Variants in SYNPO2 observed in about 807,000 individuals in gnomAD.
SYNPO2 encodes synaptopodin-2.
Under a neutral mutation model 85.0 loss-of-function variants are expected in SYNPO2, and 56 were observed. The ratio of observed to expected loss-of-function variants is 0.66; its 90% confidence interval spans 0.53 to 0.82. The LOEUF is 0.82. SYNPO2 is among the 40% of genes least tolerant of loss of function. The probability of loss-of-function intolerance (pLI) is 0.00; values close to 1 mark genes in which losing one functional copy is unlikely to be tolerated. For missense variants in SYNPO2, 1,575 were observed against 1,534.2 expected, an observed-to-expected ratio of 1.03 and a Z score of -0.44; for synonymous variants, 602 against 591.1, an observed-to-expected ratio of 1.02 and a Z score of -0.27.
intron 1 of SYNPO2, among the ~76,000 whole-genome samples, chr4:118,954,603 T>C: frequency 6.6e-6 from 1 of 152,224 alleles, no homozygotes; most frequent in Non-Finnish European, 1.5e-5. Flanking sequence ...AAAATACTTA[T>C]TTGTATTCTT....
intron 1 of SYNPO2, among the ~76,000 whole-genome samples, chr4:118,927,851 G>GA (rs1733790379): frequency 6.6e-6 from 1 of 151,894 alleles, no homozygotes. Context: ...ATCAACTTTG[G>GA]AAAAATGCAT....
At chr4:118,880,755 A>T (rs897555101) in intron 1 of SYNPO2, among the ~76,000 whole-genome samples, 11 of 152,116 alleles carry the variant, frequency 7.2e-5, no homozygotes, top group African/African-American at 2.7e-4. Flanking sequence ...CCAAAAAAAA[A>T]AAAAAAAAAT....
rs183978604 is a variant in SYNPO2 at position 118,864,147 on chromosome 4, T to C, written c.12+13207T>C. ...GCTGTATTCCATAGATTTTGGAATG[T>C]TGTACTTCCATTATTATTTGTTTCA... On this transcript the variant is annotated intron_variant, in intron 1 of 4. Transcript: ENST00000610556. Among the ~76,000 whole-genome samples the C allele has an allele frequency of 3.4e-4, 52 of 152,302 alleles. 1 individual carries two copies. The East Asian group carries it at 8.7e-3, about 25-fold the overall frequency.
At position 119,027,434 on chromosome 4, in the gene SYNPO2, T is replaced by C; in HGVS notation, c.1065T>C (p.His355=). The change falls in exon 3 of 5, where the codon CAT becomes CAC. Residue 355 remains histidine (H), a synonymous_variant. Transcript: ENST00000307142. ...GACCTCACAAGCACCGAGCGCGGCA[T>C]GCACGTAAGTTCTGCCTGGGCTTTC... ...HSRPHKHRAR[H]ARLRRSESLS... is the part of the protein sequence containing the mutation. The C allele has an allele frequency of 1.9e-6, 3 of 1,587,164 alleles. No homozygotes were observed. Among genetic ancestry groups the C allele is most frequent in the East Asian group, 2.3e-5 (1 of 44,268 alleles).
chr4:119,024,770 C>A (rs995284089), intron 2 of SYNPO2, among the ~76,000 whole-genome samples: 1 of 152,134 alleles, frequency 6.6e-6, no homozygotes, highest in Non-Finnish European at 1.5e-5. Context: ...CAATTATTAT[C>A]ATCACCACCA....
At chr4:118,870,327 C>T (rs1408904917) in intron 1 of SYNPO2, among the ~76,000 whole-genome samples, 1 of 152,192 alleles carries the variant, frequency 6.6e-6, no homozygotes, top group Admixed American at 6.5e-5. Flanking sequence ...CAGAGAGGAC[C>T]ATTTGAGACA....
At chr4:118,883,058 G>C (rs1578517445) in intron 1 of SYNPO2, among the ~76,000 whole-genome samples, 1 of 150,258 alleles carries the variant, frequency 6.7e-6, no homozygotes, top group Non-Finnish European at 1.5e-5. Flanking sequence ...ACCGCGCCCC[G>C]CCTGTTTTTT....
intron 1 of SYNPO2, among the ~76,000 whole-genome samples, chr4:118,869,744 CA>C (rs761637249): frequency 1.3e-5 from 2 of 152,152 alleles, no homozygotes; most frequent in Non-Finnish European, 2.9e-5. Flanking sequence ...GCTGATTTGT[CA>C]GCAAATATTT....
At chr4:118,899,436 C>G (rs1183715676) in intron 1 of SYNPO2, among the ~76,000 whole-genome samples, 1 of 151,956 alleles carries the variant, frequency 6.6e-6, no homozygotes, top group African/African-American at 2.4e-5. Context: ...GATTGACAGA[C>G]TTTTTCAGAT....
At chr4:118,961,276 G>A (rs1451266606) in intron 1 of SYNPO2, among the ~76,000 whole-genome samples, 1 of 152,084 alleles carries the variant, frequency 6.6e-6, no homozygotes, top group Non-Finnish European at 1.5e-5. Flanking sequence ...TAGTGCCGAG[G>A]ATGAGAAACC....
intron 4 of SYNPO2, among the ~76,000 whole-genome samples, chr4:119,051,229 G>C (rs1171728620): frequency 9.2e-6 from 1 of 108,698 alleles, no homozygotes. Flanking sequence ...TCGCTCTGTC[G>C]CCCAGGCTGG....
Position 119,030,845 on chromosome 4 carries a change from A to G in SYNPO2, c.2070A>G (p.Arg690=). 6.2e-7 allele frequency: 1 copy of G among 1,614,128 alleles called. No homozygotes were observed. The highest frequency in any genetic ancestry group is 8.5e-7 in the Non-Finnish European group (1 of 1,180,012). ...RTGILQEAKR[R]STTKPMFTFK... is the part of the protein sequence containing the mutation. ...GAATATTGCAGGAGGCCAAAAGGAGAAGCACGACAAAACCCATGTTTACTT... is the reference window on the plus strand; with the variant it reads ...GAATATTGCAGGAGGCCAAAAGGAGGAGCACGACAAAACCCATGTTTACTT... Residue 690 remains arginine, a synonymous_variant, in exon 4 of 5, where the codon AGA becomes AGG. Transcript: ENST00000307142.
At chr4:118,937,219 G>C (rs529556676) in intron 1 of SYNPO2, among the ~76,000 whole-genome samples, 1 of 152,296 alleles carries the variant, frequency 6.6e-6, no homozygotes, top group East Asian at 1.9e-4. Context: ...ACATGTCCAA[G>C]TACATCTCCC....
chr4:118,942,716 G>A (rs1734357296), intron 1 of SYNPO2, among the ~76,000 whole-genome samples: 1 of 152,148 alleles, frequency 6.6e-6, no homozygotes, highest in African/African-American at 2.4e-5. Context: ...CATTGTGGTT[G>A]TCACAACTGG....
intron 1 of SYNPO2, among the ~76,000 whole-genome samples, chr4:118,967,860 C>CA (rs34878457): frequency 0.11 from 16,450 of 145,092 alleles, 1,058 homozygotes; most frequent in Non-Finnish European, 0.15. Flanking sequence ...ATCTTTATAC[C>CA]AAAAAAAAAA....
chr4:118,986,300 A>G (rs761796277), intron 1 of SYNPO2, among the ~76,000 whole-genome samples: 4 of 152,222 alleles, frequency 2.6e-5, no homozygotes, highest in Non-Finnish European at 5.9e-5. Flanking sequence ...GGAAACTGTA[A>G]CCATGAATGT....
At chr4:118,882,469 T>A (rs1195442942) in intron 1 of SYNPO2, among the ~76,000 whole-genome samples, 1 of 152,226 alleles carries the variant, frequency 6.6e-6, no homozygotes, top group Non-Finnish European at 1.5e-5. Context: ...AAAACTATAG[T>A]CAATAGACAT....
chr4:119,030,736 C>T lies in SYNPO2; in HGVS notation c.1961C>T (p.Pro654Leu), dbSNP rs1023862013. The T allele has an allele frequency of 5.0e-6, 8 of 1,614,054 alleles. No individual in the cohort carries two copies. The highest frequency in any genetic ancestry group is 1.3e-5 in the African/African-American group (1 of 74,908). The change falls in exon 4 of 5, where the codon CCG becomes CTG. Residue 654 changes from proline to leucine, a missense_variant. This residue lies in a region of SYNPO2 where 1,508 missense variants were observed against 1,446.8 expected (regional missense o/e 1.04). Coordinates refer to ENST00000307142, the MANE Select transcript of SYNPO2 (RefSeq NM_133477.3). ...CCCCCTCCATGGCCCCAGCCTGCCC[C>T]GTGGTCCCAGCCAGCCTTTTACGAT... ...AQPPPWPQPA[P>L]WSQPAFYDSS... is the part of the protein sequence containing the mutation.
At chr4:118,866,839 G>A (rs555580790) in intron 1 of SYNPO2, among the ~76,000 whole-genome samples, 93 of 152,282 alleles carry the variant, frequency 6.1e-4, no homozygotes, top group Non-Finnish European at 1.2e-3. Flanking sequence ...CCAGCCATGT[G>A]GAACTGTAAG....
Sources: allele counts gnomAD v4.1 joint callset (sites outside exome capture counted in the v4.1 genomes callset), GRCh38; gene constraint gnomAD v4.1.1; regional missense constraint gnomAD v4.1.1; transcripts MANE v1.5; gene names NCBI Gene and HGNC (gene_info 2026-07-23, HGNC 2026-07-21).